MAGI2: variants seen among roughly 807,000 people sequenced by gnomAD.
MAGI2 encodes membrane-associated guanylate kinase, WW and PDZ domain-containing protein 2.
A neutral mutation model predicts 133.3 loss-of-function variants in MAGI2; 35 were observed. The observed-to-expected ratio is 0.26, with a 90% confidence interval of 0.20 to 0.35. The LOEUF (loss-of-function observed/expected upper bound fraction) is 0.35. Among genes scored for constraint, MAGI2 ranks in the 10% least tolerant of loss-of-function variants. The pLI, the probability that MAGI2 is intolerant of heterozygous loss-of-function variation, is 1.00. For synonymous variants in MAGI2, 729 were observed against 710.6 expected, an observed-to-expected ratio of 1.03 and a Z score of -0.41; for missense variants, 1,636 against 1,863.4, an observed-to-expected ratio of 0.88 and a Z score of 2.25.
chr7:78,160,106 C>G lies in MAGI2; in HGVS notation c.2764G>C (p.Val922Leu). 6.2e-7 allele frequency: 1 copy of G among 1,611,058 alleles called. No individual in the cohort carries two copies. Among genetic ancestry groups the G allele is most frequent in the Non-Finnish European group, 8.5e-7 (1 of 1,178,496 alleles). Residue 922 changes from valine (V) to leucine (L), a missense_variant, in exon 16 of 22, where the codon GTC (valine) becomes CTC (leucine). Val to Leu is a conservative substitution (Grantham distance 32). Transcript: ENST00000354212. ...ASHSLQTSDV[V>L]IHRKENEGFG... ...CCCTCATTCTCTTTGCGGTGAATGA[C>G]CACATCACTGGTCTGCAGGCTGTGG...
intron 14 of MAGI2, among the ~76,000 whole-genome samples, chr7:78,176,121 C>A (rs984346751): frequency 6.6e-6 from 1 of 152,108 alleles, no homozygotes; most frequent in African/African-American, 2.4e-5. Flanking sequence ...GGAGAGTAAA[C>A]AAAGCTGTGA....
At chr7:79,031,569 T>C (rs1322626173) in intron 1 of MAGI2, among the ~76,000 whole-genome samples, 2 of 152,188 alleles carry the variant, frequency 1.3e-5, no homozygotes, top group Non-Finnish European at 2.9e-5. Flanking sequence ...TAAAGGGCAA[T>C]TAGCAAGTAT....
chr7:78,070,586 ATATATATGTG>A (rs758647800), intron 21 of MAGI2, among the ~76,000 whole-genome samples: 5,476 of 68,140 alleles, frequency 0.08, 162 homozygotes, highest in Non-Finnish European at 0.12. Flanking sequence ...ATATATGTGT[ATATATATGTG>A]TATATATGTG....
chr7:78,276,717 T>C (rs919373430), intron 9 of MAGI2, among the ~76,000 whole-genome samples: 23 of 152,176 alleles, frequency 1.5e-4, no homozygotes, highest in Admixed American at 3.3e-4. Context: ...ATATACAATA[T>C]CATCTTTATT....
intron 1 of MAGI2, among the ~76,000 whole-genome samples, chr7:79,167,397 C>CAAAAA (rs10542271): frequency 1.2e-5 from 1 of 84,734 alleles, no homozygotes; most frequent in African/African-American, 4.1e-5. Context: ...CCAAAAATGG[C>CAAAAA]AAAAAAAAAA....
chr7:78,867,134 A>T (rs1794628817), intron 2 of MAGI2, among the ~76,000 whole-genome samples: 1 of 149,720 alleles, frequency 6.7e-6, no homozygotes, highest in African/African-American at 2.5e-5. Flanking sequence ...CAGTGTGGTG[A>T]TTCCTCAGGG....
intron 1 of MAGI2, among the ~76,000 whole-genome samples, chr7:79,291,680 T>C (rs1190039146): frequency 2.0e-5 from 3 of 152,206 alleles, no homozygotes; most frequent in Non-Finnish European, 2.9e-5. Flanking sequence ...ATTGAGCACC[T>C]TTTCACATGC....
At chr7:78,503,811 C>T (rs1794857220) in intron 4 of MAGI2, among the ~76,000 whole-genome samples, 1 of 151,172 alleles carries the variant, frequency 6.6e-6, no homozygotes, top group Non-Finnish European at 1.5e-5. Context: ...TGATTGACCT[C>T]ATAAGTATAC....
At chr7:79,446,643 T>A (rs995677874) in intron 1 of MAGI2, among the ~76,000 whole-genome samples, 4 of 152,186 alleles carry the variant, frequency 2.6e-5, no homozygotes, top group Non-Finnish European at 4.4e-5. Context: ...ATTAGCCTAA[T>A]GGATCTTTGA....
intron 3 of MAGI2, among the ~76,000 whole-genome samples, chr7:78,591,395 C>T (rs766697133): frequency 6.6e-6 from 1 of 152,154 alleles, no homozygotes; most frequent in Non-Finnish European, 1.5e-5. Context: ...CTAATGTAGC[C>T]ACATCTAGCT....
At chr7:78,266,326 G>A (rs1479455561) in intron 9 of MAGI2, among the ~76,000 whole-genome samples, 2 of 152,044 alleles carry the variant, frequency 1.3e-5, no homozygotes, top group Admixed American at 6.6e-5. Flanking sequence ...TCAGCTCCCC[G>A]AGGAGCTGGG....
chr7:78,823,457 C>G (rs1425892604), intron 2 of MAGI2, among the ~76,000 whole-genome samples: 1 of 151,904 alleles, frequency 6.6e-6, no homozygotes, highest in Non-Finnish European at 1.5e-5. Context: ...GTGGCGGGCG[C>G]CTGTAGTCCC....
In MAGI2 at chr7:78,472,156, T is replaced by C. The variant is rs573082629; in HGVS notation, c.1045+17605A>G. On this transcript the variant is annotated intron_variant, in intron 6 of 21. Transcript: ENST00000354212. ...GTTTGCAGATGATCATCTCTTATCC[T>C]TTTAAATGTTGCATCACAAATTTTT... Among the ~76,000 whole-genome samples the C allele has an allele frequency of 2.1e-4, 32 of 152,248 alleles. No individual in the cohort carries two copies. The East Asian group carries it at 6.0e-3, about 29-fold the overall frequency.
chr7:78,529,885 T>A (rs1797316064), intron 3 of MAGI2, among the ~76,000 whole-genome samples: 1 of 151,582 alleles, frequency 6.6e-6, no homozygotes, highest in Non-Finnish European at 1.5e-5. Flanking sequence ...TTAATATTTT[T>A]CTTTACCAAT....
At chr7:78,519,963 A>T (rs1463247170) in intron 4 of MAGI2, among the ~76,000 whole-genome samples, 23 of 152,210 alleles carry the variant, frequency 1.5e-4, no homozygotes, top group Non-Finnish European at 4.4e-5. Context: ...AATTCTAATG[A>T]AATTATATAA....
chr7:78,982,806 A>G (rs1204557472), intron 2 of MAGI2, among the ~76,000 whole-genome samples: 2 of 151,876 alleles, frequency 1.3e-5, no homozygotes, highest in Non-Finnish European at 2.9e-5. Context: ...TTTTTCTTCT[A>G]CTTTGTCTAA....
At chr7:79,436,208 G>C (rs1848132068) in intron 1 of MAGI2, among the ~76,000 whole-genome samples, 1 of 138,394 alleles carries the variant, frequency 7.2e-6, no homozygotes, top group Admixed American at 7.6e-5. Context: ...CTGGGTGACA[G>C]AGCAAGACTT....
intron 2 of MAGI2, among the ~76,000 whole-genome samples, chr7:78,989,752 A>G (rs1399525438): frequency 1.3e-5 from 2 of 152,006 alleles, no homozygotes; most frequent in Non-Finnish European, 2.9e-5. Context: ...GTTGAGTCTC[A>G]ACATGAGGCC....
At chr7:78,807,052 G>A (rs1563528923) in intron 2 of MAGI2, among the ~76,000 whole-genome samples, 2 of 151,886 alleles carry the variant, frequency 1.3e-5, no homozygotes, top group Non-Finnish European at 2.9e-5. Flanking sequence ...CTTCATATTT[G>A]GTATAACACA....
Sources: allele counts gnomAD v4.1 joint callset (sites outside exome capture counted in the v4.1 genomes callset), GRCh38; gene constraint gnomAD v4.1.1; transcripts MANE v1.5; gene names NCBI Gene and HGNC (gene_info 2026-07-23, HGNC 2026-07-21).